Variants in CPQ observed in about 807,000 individuals in gnomAD.
CPQ encodes the protein Ser-Met dipeptidase.
CPQ carries 37 observed loss-of-function variants against 45.7 expected under a neutral mutation model. That is an observed-to-expected ratio of 0.81 (90% confidence interval 0.62 to 1.07). The LOEUF is 1.07. CPQ is among the 50% of genes least tolerant of loss of function. The pLI, the probability that CPQ is intolerant of heterozygous loss-of-function variation, is 0.00. For missense variants in CPQ, 537 were observed against 572.9 expected (o/e 0.94, Z 0.64); for synonymous variants, 186 against 205.8 (o/e 0.90, Z 0.82).
chr8:96,678,788 T>C (rs1161116682), intron 1 of CPQ, among the ~76,000 whole-genome samples: 1 of 149,166 alleles, frequency 6.7e-6, no homozygotes, highest in Non-Finnish European at 1.5e-5. Flanking sequence ...TGTTGAGTTG[T>C]TTGATTTCCT....
chr8:97,120,649 T>C (rs1811685547), intron 7 of CPQ, among the ~76,000 whole-genome samples: 2 of 152,242 alleles, frequency 1.3e-5, no homozygotes, highest in African/African-American at 4.8e-5. Flanking sequence ...ATAATCCCCT[T>C]AGATCTTATG....
At chr8:96,949,926 A>G (rs965244319) in intron 4 of CPQ, among the ~76,000 whole-genome samples, 3 of 152,132 alleles carry the variant, frequency 2.0e-5, no homozygotes, top group Non-Finnish European at 4.4e-5. Context: ...GAAACAAACT[A>G]TAAACATTTT....
At position 96,785,229 on chromosome 8, in the gene CPQ, C is replaced by A; in HGVS notation, c.332C>A (p.Pro111His). The change falls in exon 2 of 8, where the codon CCC (proline) becomes CAC (histidine). Residue 111 changes from proline (P) to histidine (H), a missense_variant. Pro to His is a moderately conservative substitution (Grantham distance 77). Coordinates refer to ENST00000220763, the MANE Select transcript of CPQ (RefSeq NM_016134.4). ...EKVHLEPVRI[P>H]HWERGEESAV... ...GTTCACCTGGAGCCAGTGAGAATAC[C>A]CCACTGGGAGAGGGGAGAAGAATCA... 1.2e-6 allele frequency: 2 copies of A among 1,613,554 alleles called. No individual in the cohort carries two copies. Among genetic ancestry groups the A allele is most frequent in the Admixed American group, 3.3e-5 (2 of 59,924 alleles).
At chr8:97,018,367 A>C (rs1282417711) in intron 5 of CPQ, among the ~76,000 whole-genome samples, 1 of 152,210 alleles carries the variant, frequency 6.6e-6, no homozygotes, top group Non-Finnish European at 1.5e-5. Flanking sequence ...GCTCACCAAC[A>C]ATGGATCCAA....
intron 1 of CPQ, among the ~76,000 whole-genome samples, chr8:96,777,670 A>T (rs1810622961): frequency 7.1e-6 from 1 of 141,582 alleles, no homozygotes; most frequent in East Asian, 2.1e-4. Flanking sequence ...AACTGACTCC[A>T]GGTCTAGAAT....
At chr8:96,940,909 C>T (rs920820989) in intron 4 of CPQ, among the ~76,000 whole-genome samples, 4 of 152,024 alleles carry the variant, frequency 2.6e-5, no homozygotes, top group Non-Finnish European at 5.9e-5. Flanking sequence ...AAAAGAATAC[C>T]TTTTGGATTC....
Position 97,111,541 on chromosome 8 carries a change from C to T in CPQ, c.1256-31479C>T, listed in dbSNP as rs73268783. On this transcript the variant is annotated intron_variant, in intron 7 of 7. Transcript: ENST00000220763. ...CTCTTTTGATGTCCCTTGTTCACAACGAGCCATTTCACTTCTAGTCAGGAC... is the reference window on the plus strand; with the variant it reads ...CTCTTTTGATGTCCCTTGTTCACAATGAGCCATTTCACTTCTAGTCAGGAC... Among the ~76,000 whole-genome samples the T allele has an allele frequency of 2.5e-3, 376 of 152,308 alleles. 1 individual carries two copies. Among genetic ancestry groups the T allele is most frequent in the Non-Finnish European group, 3.6e-3 (244 of 68,022 alleles).
chr8:96,879,441 A>C (rs1238321445), intron 3 of CPQ, among the ~76,000 whole-genome samples: 1 of 152,196 alleles, frequency 6.6e-6, no homozygotes, highest in African/African-American at 2.4e-5. Context: ...TCTGGTCTGC[A>C]GCCTTGACAA....
chr8:96,791,835 A>G (rs1415319679), intron 2 of CPQ, among the ~76,000 whole-genome samples: 1 of 152,194 alleles, frequency 6.6e-6, no homozygotes, highest in East Asian at 1.9e-4. Context: ...TTGCCATTTA[A>G]TCATCATGGC....
intron 1 of CPQ, among the ~76,000 whole-genome samples, chr8:96,720,708 C>T (rs1430544167): frequency 2.0e-5 from 3 of 151,998 alleles, no homozygotes; most frequent in Admixed American, 6.6e-5. Context: ...TTGCTCCCCC[C>T]TCCTCCATGA....
At chr8:97,024,124 T>C (rs1809756248) in intron 5 of CPQ, among the ~76,000 whole-genome samples, 2 of 152,202 alleles carry the variant, frequency 1.3e-5, no homozygotes, top group South Asian at 4.1e-4. Flanking sequence ...GCCATTTTGT[T>C]GAGCCCAGAT....
chr8:96,721,346 A>G (rs1221614557), intron 1 of CPQ, among the ~76,000 whole-genome samples: 1 of 152,048 alleles, frequency 6.6e-6, no homozygotes, highest in African/African-American at 2.4e-5. Flanking sequence ...TTATTCTCTC[A>G]GAGATTGCAG....
intron 1 of CPQ, among the ~76,000 whole-genome samples, chr8:96,661,010 T>G (rs2130712096): frequency 6.6e-6 from 1 of 152,324 alleles, no homozygotes; most frequent in African/African-American, 2.4e-5. Context: ...AGAGGACATA[T>G]TCTTTATTTC....
intron 6 of CPQ, among the ~76,000 whole-genome samples, chr8:97,054,530 A>G (rs1166903913): frequency 6.6e-6 from 1 of 152,254 alleles, no homozygotes; most frequent in Non-Finnish European, 1.5e-5. Context: ...CTAACTGTCC[A>G]TCAATAGATA....
intron 1 of CPQ, among the ~76,000 whole-genome samples, chr8:96,714,812 C>A (rs1354209897): frequency 1.3e-5 from 2 of 151,718 alleles, no homozygotes; most frequent in Non-Finnish European, 2.9e-5. Context: ...ACTGTGTTTT[C>A]TTTTTTTTCC....
At chr8:96,726,626 G>A (rs1424780611) in intron 1 of CPQ, among the ~76,000 whole-genome samples, 1 of 152,112 alleles carries the variant, frequency 6.6e-6, no homozygotes, top group Non-Finnish European at 1.5e-5. Flanking sequence ...ACAGTGCCAA[G>A]AGGGATAGTG....
At chr8:96,862,448 T>C (rs1811938586) in intron 3 of CPQ, among the ~76,000 whole-genome samples, 1 of 151,794 alleles carries the variant, frequency 6.6e-6, no homozygotes, top group Admixed American at 6.6e-5. Context: ...TTTTGGACAA[T>C]GTGTTAGATA....
intron 1 of CPQ, among the ~76,000 whole-genome samples, chr8:96,731,539 T>A (rs902519149): frequency 6.6e-6 from 1 of 152,028 alleles, no homozygotes; most frequent in Non-Finnish European, 1.5e-5. Flanking sequence ...GGAGGTGGGA[T>A]GGGGGTGGAG....
intron 1 of CPQ, among the ~76,000 whole-genome samples, chr8:96,737,419 G>C (rs894638693): frequency 7.4e-5 from 11 of 148,324 alleles, no homozygotes; most frequent in African/African-American, 2.7e-4. Context: ...ACAATAGGCT[G>C]TCTGCAAGGG....
Sources: gnomAD v4.1 joint callset for allele counts (sites outside exome capture counted in the v4.1 genomes callset) on GRCh38, gnomAD v4.1.1 for gene constraint, MANE v1.5 for transcripts, NCBI Gene and HGNC (gene_info 2026-07-23, HGNC 2026-07-21) for gene names.